YTHDC1: variants seen among roughly 807,000 people sequenced by gnomAD.
The protein encoded by YTHDC1 is YTH domain-containing protein 1.
YTHDC1 carries 12 observed loss-of-function variants against 107.0 expected under a neutral mutation model. The observed-to-expected ratio is 0.11, with a 90% confidence interval of 0.07 to 0.18. YTHDC1 has a LOEUF of 0.18. YTHDC1 is among the 10% of genes least tolerant of loss of function. The pLI, the probability that YTHDC1 is intolerant of heterozygous loss-of-function variation, is 1.00. For missense variants in YTHDC1, 635 were observed against 898.8 expected (o/e 0.71, Z 3.75); for synonymous variants, 280 against 289.5 (o/e 0.97, Z 0.33).
rs1250768532 is a variant in YTHDC1 at position 68,338,535 on chromosome 4, T to TAA, written c.29-153_29-152dup. The TAA allele has an allele frequency of 1.4e-3, 798 of 584,048 alleles. 3 individuals carry two copies. The highest frequency in any genetic ancestry group is 5.4e-3 in the South Asian group (216 of 40,308). 36.2% of individuals were successfully genotyped at this position (584,048 alleles called of 1,614,324 possible). ...TTATTTCAGAATCAAGACACAAGAT[T>TAA]AATTTCTATAAAACTAATACAGGGT... On this transcript the variant is annotated intron_variant, in intron 1 of 16. Transcript: ENST00000344157.
chr4:68,347,006 T>C (rs1396794311), intron 1 of YTHDC1, among the ~76,000 whole-genome samples: 1 of 152,204 alleles, frequency 6.6e-6, no homozygotes, highest in Non-Finnish European at 1.5e-5. Flanking sequence ...GAGAAACTCT[T>C]AGCTTTCGTT....
chr4:68,349,332 G>A (rs1433318062), intron 1 of YTHDC1, among the ~76,000 whole-genome samples: 1 of 151,678 alleles, frequency 6.6e-6, no homozygotes, highest in Non-Finnish European at 1.5e-5. Flanking sequence ...GTTGATCGCG[G>A]CATTAGGGGT....
intron 1 of YTHDC1, among the ~76,000 whole-genome samples, chr4:68,346,243 TC>T: frequency 6.6e-6 from 1 of 151,880 alleles, no homozygotes; most frequent in Non-Finnish European, 1.5e-5. Context: ...TAGGAAGACC[TC>T]GTCTCTACTA....
At chr4:68,344,135 G>GGTTTGTATCTGGTGAATGA (rs1419006911) in intron 1 of YTHDC1, 2 of 151,630 alleles carry the variant, frequency 1.3e-5, no homozygotes, top group Non-Finnish European at 2.9e-5. Context: ...AGACAATCTG[G>GGTTTGTATCTGGTGAATGA]GTTTGTATCT....
intron 4 of YTHDC1, among the ~76,000 whole-genome samples, chr4:68,336,590 A>G (rs1458248310): frequency 6.6e-6 from 1 of 152,244 alleles, no homozygotes; most frequent in African/African-American, 2.4e-5. Flanking sequence ...GAGATAAAAA[A>G]GAAATAATCT....
chr4:68,343,524 T>TC (rs773851943), intron 1 of YTHDC1, among the ~76,000 whole-genome samples: 1 of 120,998 alleles, frequency 8.3e-6, no homozygotes, highest in Non-Finnish European at 1.7e-5. Flanking sequence ...TTAAAATCTT[T>TC]AAAAAAAAAA....
intron 9 of YTHDC1, among the ~76,000 whole-genome samples, chr4:68,324,549 T>C (rs1317884231): frequency 6.6e-6 from 1 of 152,162 alleles, no homozygotes; most frequent in African/African-American, 2.4e-5. Flanking sequence ...TTTACGCAGT[T>C]TGCAAATGAA....
chr4:68,333,490 C>G, intron 4 of YTHDC1, 93 bp from the exon 5 acceptor site: 1 of 839,138 alleles, frequency 1.2e-6, no homozygotes, highest in East Asian at 2.5e-5. Flanking sequence ...CTAGTTTTTG[C>G]ATAGCCCTTC....
At chr4:68,325,549 T>C (rs963412654) in intron 9 of YTHDC1, among the ~76,000 whole-genome samples, 3 of 152,124 alleles carry the variant, frequency 2.0e-5, no homozygotes, top group African/African-American at 7.2e-5. Flanking sequence ...TGCTCAGACC[T>C]TTTTTTAAAT....
intron 1 of YTHDC1, among the ~76,000 whole-genome samples, chr4:68,339,332 TG>T (rs777148957): frequency 3.7e-4 from 56 of 152,134 alleles, no homozygotes; most frequent in Non-Finnish European, 7.3e-4. Context: ...GTCACTGTCA[TG>T]AAACAAAGAG....
intron 4 of YTHDC1, among the ~76,000 whole-genome samples, chr4:68,334,576 G>A (rs557113939): frequency 6.6e-6 from 1 of 152,130 alleles, no homozygotes; most frequent in African/African-American, 2.4e-5. Flanking sequence ...AGTTTTGGGG[G>A]CTTTTTTCAT....
chr4:68,318,599 A>G lies in YTHDC1; in HGVS notation c.1762-18T>C, dbSNP rs1406389274. 1.2e-6 allele frequency: 2 copies of G among 1,609,260 alleles called. No homozygotes were observed. Among genetic ancestry groups the G allele is most frequent in the African/African-American group, 1.3e-5 (1 of 74,624 alleles). ...TTGTAGGACTAAAATAAAAGATGAT[A>G]ATGTCAATATAATTAAAAATTATCA... On this transcript the variant is annotated intron_variant, in intron 14 of 16. Transcript: ENST00000344157.
intron 7 of YTHDC1, among the ~76,000 whole-genome samples, chr4:68,331,860 A>G (rs1560488754): frequency 6.6e-6 from 1 of 151,954 alleles, no homozygotes; most frequent in African/African-American, 2.4e-5. Context: ...GCAAAAAGTT[A>G]AACTGTATAG....
rs543253248 is a variant in YTHDC1 at position 68,312,236 on chromosome 4, T to G, written c.*1863A>C. On this transcript the variant is annotated 3_prime_UTR_variant, in exon 17 of 17. Transcript: ENST00000344157. ...TACTACCTTTCTAATCTTGGGCAAG[T>G]TTACTAGCCTCTCTGAGCCCATTTA... 6.6e-6 allele frequency: 1 copy of G among 152,326 alleles called. No individual in the cohort carries two copies. Among genetic ancestry groups the G allele is most frequent in the South Asian group, 2.1e-4 (1 of 4,830 alleles). 9.4% of individuals were successfully genotyped at this position (152,326 alleles called of 1,614,324 possible).
In YTHDC1 at chr4:68,314,343, T is replaced by C; in HGVS notation, c.1960-20A>G. The C allele has an allele frequency of 1.2e-6, 2 of 1,612,108 alleles. No individual in the cohort carries two copies. The highest frequency in any genetic ancestry group is 8.5e-7 in the Non-Finnish European group (1 of 1,179,010). On this transcript the variant is annotated intron_variant, in intron 16 of 16. Coordinates refer to ENST00000344157, the MANE Select transcript of YTHDC1 (RefSeq NM_001031732.4). ...ATCATGCTAGAAAAGGAAAGAAATG[T>C]GTTAGGTATGTCAAAAAGGCAAATA...
At chr4:68,332,299 C>T (rs1168320828) in intron 6 of YTHDC1, 102 bp from the exon 7 acceptor site, 5 of 647,332 alleles carry the variant, frequency 7.7e-6, no homozygotes, top group Middle Eastern at 2.6e-4. Flanking sequence ...CCCAGCTAAA[C>T]TTTTAAAACG....
intron 15 of YTHDC1, among the ~76,000 whole-genome samples, chr4:68,316,842 A>G (rs1320114359): frequency 6.6e-6 from 1 of 152,204 alleles, no homozygotes; most frequent in African/African-American, 2.4e-5. Flanking sequence ...GCTTATAGTC[A>G]CACTACTGTT....
intron 4 of YTHDC1, among the ~76,000 whole-genome samples, chr4:68,336,808 C>T (rs1485657779): frequency 6.6e-6 from 1 of 152,150 alleles, no homozygotes. Flanking sequence ...TCATTTACAA[C>T]ACAACCATTC....
chr4:68,348,808 G>A (rs1449402268), intron 1 of YTHDC1, among the ~76,000 whole-genome samples: 1 of 152,164 alleles, frequency 6.6e-6, no homozygotes, highest in Non-Finnish European at 1.5e-5. Flanking sequence ...AGCAGCGACC[G>A]TGTCATATTT....
Sources: allele counts gnomAD v4.1 joint callset (sites outside exome capture counted in the v4.1 genomes callset), GRCh38; gene constraint gnomAD v4.1.1; transcripts MANE v1.5; gene names NCBI Gene and HGNC (gene_info 2026-07-23, HGNC 2026-07-21).